DFFB: variants seen among roughly 807,000 people sequenced by gnomAD.
DFFB encodes the protein DNA fragmentation factor subunit beta.
DFFB carries 29 observed loss-of-function variants against 32.7 expected under a neutral mutation model. That is an observed-to-expected ratio of 0.89 (90% CI 0.66 to 1.21). DFFB has a LOEUF of 1.21. Ranked by LOEUF, DFFB falls within the 50% of genes most tolerant of loss-of-function variation. The probability of loss-of-function intolerance (pLI) is 0.00; values close to 1 mark genes in which losing one functional copy is unlikely to be tolerated. For missense variants in DFFB, 398 were observed against 440.6 expected (o/e 0.90, Z 0.87); for synonymous variants, 170 against 177.1 (o/e 0.96, Z 0.32).
intron 6 of DFFB, among the ~76,000 whole-genome samples, chr1:3,881,955 A>G (rs1238463176): frequency 6.6e-6 from 1 of 151,904 alleles, no homozygotes; most frequent in Non-Finnish European, 1.5e-5. Context: ...CTCAACACCC[A>G]CCATAAGCCC....
intron 2 of DFFB, among the ~76,000 whole-genome samples, chr1:3,863,052 G>A (rs1038242265): frequency 6.6e-6 from 1 of 152,216 alleles, no homozygotes; most frequent in Admixed American, 6.5e-5. Context: ...AGGAGGCTGA[G>A]GCAGGAGAAT....
chr1:3,862,354 A>G (rs1457532846), intron 2 of DFFB, among the ~76,000 whole-genome samples: 1 of 152,254 alleles, frequency 6.6e-6, no homozygotes, highest in Non-Finnish European at 1.5e-5. Flanking sequence ...GTAGAAATTG[A>G]CATGCTGATT....
At chr1:3,880,446 C>T (rs1287802846) in intron 6 of DFFB, among the ~76,000 whole-genome samples, 5 of 152,220 alleles carry the variant, frequency 3.3e-5, no homozygotes, top group Non-Finnish European at 5.9e-5. Context: ...GTTATGGAGT[C>T]TGAGGTGGTC....
Position 3,865,937 on chromosome 1 carries a change from C to A in DFFB, c.367C>A (p.Leu123Met). 6.2e-7 allele frequency: 1 copy of A among 1,608,176 alleles called. No homozygotes were observed. The part of the protein sequence containing the change: ...PQRQRLLADL[L>M]HNVSQNIAAE... Reference sequence around the variant, plus strand: ...GAGGCAGAGGCTGCTGGCTGACCTCCTGCACAACGTCAGCCAGAACATCGC... The same window carrying A: ...GAGGCAGAGGCTGCTGGCTGACCTCATGCACAACGTCAGCCAGAACATCGC... Residue 123 changes from leucine (L) to methionine (M), a missense_variant, in exon 3 of 7, where the codon CTG (leucine) becomes ATG (methionine). Coordinates refer to ENST00000378209, the MANE Select transcript of DFFB (RefSeq NM_004402.4). This position sits in a 1 kb window ranked among gnomAD's most constrained non-coding sequence, Gnocchi z 4.7.
intron 6 of DFFB, 124 bp from the exon 7 acceptor site, chr1:3,883,383 G>A (rs1226904247): frequency 9.2e-6 from 8 of 868,394 alleles, no homozygotes; most frequent in South Asian, 3.3e-5. Context: ...CAGTAGGTGC[G>A]GCCGTGTGTC....
intron 2 of DFFB, among the ~76,000 whole-genome samples, chr1:3,860,948 A>G (rs1168232859): frequency 6.6e-6 from 1 of 152,176 alleles, no homozygotes; most frequent in Admixed American, 6.5e-5. Flanking sequence ...TGAGATCAGG[A>G]GTTCAAGACC....
chr1:3,878,154 C>CTTT lies in DFFB; in HGVS notation c.783-5340_783-5338dup, dbSNP rs60515976. Among the ~76,000 whole-genome samples, 1,325 of 141,762 alleles carry CTTT rather than the reference C, an allele frequency of 9.3e-3. 22 individuals carry two copies. Among genetic ancestry groups the CTTT allele is most frequent in the African/African-American group, 0.032 (1,235 of 38,624 alleles). The allele number at this position is 141,762 out of a possible 152,430, so 93.0% of individuals were successfully genotyped here. A position where few individuals can be genotyped will look rare whatever the true frequency, so the allele number is the denominator to read the frequency against. The stretch of plus-strand genomic sequence containing the variant: ...GCCATGATGGCTACTCAGTGAATAT[C>CTTT]TTTTTTTTTTTTTTTGAGACGGAGT... On this transcript the variant is annotated intron_variant, in intron 6 of 6. Coordinates refer to ENST00000378209, the MANE Select transcript of DFFB (RefSeq NM_004402.4).
chr1:3,859,011 T>C lies in DFFB; in HGVS notation c.241+167T>C, dbSNP rs1035728257. The C allele has an allele frequency of 3.2e-6, 3 of 936,944 alleles. No homozygotes were observed. The African/African-American group carries it at 5.0e-5, about 16-fold the overall frequency. 58.0% of individuals were successfully genotyped at this position (936,944 alleles called of 1,614,324 possible). Reference sequence around the variant, plus strand: ...GCAGAACTGGTCAGCGTCGCTTAGGTGGCAGAGTCCTCAGTCCTCTCGTTC... The same window carrying C: ...GCAGAACTGGTCAGCGTCGCTTAGGCGGCAGAGTCCTCAGTCCTCTCGTTC... On this transcript the variant is annotated intron_variant, in intron 2 of 6. Transcript: ENST00000378209.
At chr1:3,881,423 C>A (rs563877786) in intron 6 of DFFB, among the ~76,000 whole-genome samples, 1 of 152,340 alleles carries the variant, frequency 6.6e-6, no homozygotes, top group African/African-American at 2.4e-5. Context: ...GCAGGGGTCT[C>A]GGTCCCACCT....
chr1:3,867,727 CCT>C, intron 3 of DFFB: 4 of 480,462 alleles, frequency 8.3e-6, no homozygotes, highest in Admixed American at 3.5e-5. Flanking sequence ...GTAGTGCGTC[CCT>C]GTAGTCTTAG....
intron 6 of DFFB, among the ~76,000 whole-genome samples, chr1:3,880,724 G>A (rs984845541): frequency 2.0e-5 from 3 of 151,770 alleles, no homozygotes; most frequent in African/African-American, 7.3e-5. Flanking sequence ...GTTTGGGCCC[G>A]GAGCTCGCTT....
At chr1:3,877,792 GT>G (rs1323168049) in intron 6 of DFFB, among the ~76,000 whole-genome samples, 1 of 152,102 alleles carries the variant, frequency 6.6e-6, no homozygotes, top group African/African-American at 2.4e-5. Flanking sequence ...ACTGGTCAGC[GT>G]TTGTAGATGT....
intron 6 of DFFB, among the ~76,000 whole-genome samples, chr1:3,881,909 G>T (rs1225576214): frequency 2.0e-5 from 3 of 151,714 alleles, no homozygotes; most frequent in Non-Finnish European, 4.4e-5. Context: ...GCATTTTGTG[G>T]GTTGTAGGGA....
At position 3,865,550 on chromosome 1, in the gene DFFB, C is replaced by T. The variant is rs751774358; in HGVS notation, c.242-262C>T. The T allele has an allele frequency of 2.4e-5, 14 of 590,352 alleles. 1 individual carries two copies. The highest frequency in any genetic ancestry group is 1.1e-4 in the Admixed American group (4 of 34,842). 36.6% of individuals were successfully genotyped at this position (590,352 alleles called of 1,614,324 possible). A position where few individuals can be genotyped will look rare whatever the true frequency, so the allele number is the denominator to read the frequency against. On this transcript the variant is annotated intron_variant, in intron 2 of 6. Coordinates refer to ENST00000378209, the MANE Select transcript of DFFB (RefSeq NM_004402.4). The surrounding 1 kb of genome is among the most constrained non-coding windows in gnomAD (Gnocchi z 4.7). ...GAGGGGAGGAGGCCAAATGGGAAAGCGGCCGTCTCTTGGTGCGCTTTCATC... is the reference window on the plus strand; with the variant it reads ...GAGGGGAGGAGGCCAAATGGGAAAGTGGCCGTCTCTTGGTGCGCTTTCATC...
chr1:3,880,225 C>A (rs149960910), intron 6 of DFFB, among the ~76,000 whole-genome samples: 3 of 152,112 alleles, frequency 2.0e-5, no homozygotes. Flanking sequence ...TTGGCAGTGT[C>A]GTCACAGAGG....
At chr1:3,879,841 G>A (rs999741513) in intron 6 of DFFB, among the ~76,000 whole-genome samples, 2 of 152,138 alleles carry the variant, frequency 1.3e-5, no homozygotes, top group Non-Finnish European at 2.9e-5. Context: ...TTCATAAAAC[G>A]AGCCTTTTTT....
intron 5 of DFFB, among the ~76,000 whole-genome samples, chr1:3,870,819 T>C (rs554453846): frequency 2.2e-4 from 33 of 152,070 alleles, no homozygotes; most frequent in African/African-American, 7.2e-4. Context: ...GCTCCGGGCA[T>C]GGCAGTGGGA....
intron 4 of DFFB, 28 bp downstream of exon 4, chr1:3,868,081 T>C: frequency 6.2e-7 from 1 of 1,611,094 alleles, no homozygotes; most frequent in Non-Finnish European, 8.5e-7. Flanking sequence ...CCGGGTATGC[T>C]GGGCGGGTTT....
chr1:3,868,679 GCCACA>G lies in DFFB; in HGVS notation c.510+635_510+639del, dbSNP rs1557716300. Among the ~76,000 whole-genome samples, 9 of 1,444 alleles carry G rather than the reference GCCACA, an allele frequency of 6.2e-3. 1 individual carries two copies. Among genetic ancestry groups the G allele is most frequent in the South Asian group, 0.025 (1 of 40 alleles). The allele number at this position is 1,444 out of a possible 152,430, so 0.9% of individuals were successfully genotyped here. ...ACCAGGCCACACCACACCACACCACGCCACACCACACCAGGCCACACCACACCAGG... is the reference window on the plus strand; with the variant it reads ...ACCAGGCCACACCACACCACACCACGCCACACCAGGCCACACCACACCAGG... On this transcript the variant is annotated intron_variant, in intron 4 of 6. Transcript: ENST00000378209.
Sources: gnomAD v4.1 joint callset for allele counts (sites outside exome capture counted in the v4.1 genomes callset) on GRCh38, gnomAD v4.1.1 for gene constraint, Gnocchi (gnomAD v3.1) non-coding constraint, MANE v1.5 for transcripts, NCBI Gene and HGNC (gene_info 2026-07-23, HGNC 2026-07-21) for gene names.